TFIP11: variants seen among roughly 807,000 people sequenced by gnomAD.
TFIP11 encodes the protein tuftelin interacting protein 11.
TFIP11 carries 86 observed loss-of-function variants against 96.8 expected under a neutral mutation model. The observed-to-expected ratio is 0.89, with a 90% CI of 0.75 to 1.06. The LOEUF (loss-of-function observed/expected upper bound fraction) is 1.06, where lower values mean the gene tolerates loss of function less well. Ranked by LOEUF, TFIP11 falls within the 50% of genes least tolerant of loss-of-function variation. The pLI, the probability that TFIP11 is intolerant of heterozygous loss-of-function variation, is 0.00. For missense variants in TFIP11, 881 were observed against 1,076.7 expected, an observed-to-expected ratio of 0.82 and a Z score of 2.54; for synonymous variants, 405 against 395.2, an observed-to-expected ratio of 1.02 and a Z score of -0.29.
chr22:26,496,760 G>A lies in TFIP11; in HGVS notation c.1566C>T (p.Asn522=). The A allele has an allele frequency of 6.2e-7, 1 of 1,614,034 alleles. No homozygotes were observed. Among genetic ancestry groups the A allele is most frequent in the Admixed American group, 1.7e-5 (1 of 60,004 alleles). ...VHIIPVWILD[N]ILDQLIFPKL... ...TGGGGAAGATGAGTTGGTCCAGTAT[G>A]TTATCTAAGATCCACACAGGAATAA... The change falls in exon 11 of 15, where the codon AAC becomes AAT. Residue 522 remains asparagine, a synonymous_variant. Transcript: ENST00000407690.
intron 10 of TFIP11, among the ~76,000 whole-genome samples, chr22:26,497,866 C>A: frequency 1.7e-5 from 2 of 114,376 alleles, no homozygotes. Context: ...CAAAGCAAGA[C>A]TTCATCTCAA....
intron 6 of TFIP11, among the ~76,000 whole-genome samples, chr22:26,504,095 G>A (rs966911745): frequency 3.5e-4 from 54 of 152,264 alleles, no homozygotes; most frequent in Non-Finnish European, 6.3e-4. Flanking sequence ...ATTTATAACT[G>A]AGAACTCCAG....
At chr22:26,494,048 C>G (rs1278494571) in intron 14 of TFIP11, 91 bp downstream of exon 14, 37 of 1,478,272 alleles carry the variant, frequency 2.5e-5, no homozygotes, top group Non-Finnish European at 3.2e-5. Flanking sequence ...AGGCTGCCTA[C>G]AGGAACCAGA....
chr22:26,491,393 A>G lies in TFIP11; in HGVS notation c.*620T>C. ...AAAGTGGGGATGACAAGTAAAGTGG[A>G]AATTTATCCCAGAAGAGTGGGGATT... On this transcript the variant is annotated 3_prime_UTR_variant, in exon 15 of 15. Transcript: ENST00000407690. The G allele has an allele frequency of 8.1e-7, 1 of 1,237,106 alleles. No homozygotes were observed. Among genetic ancestry groups the G allele is most frequent in the Non-Finnish European group, 1.1e-6 (1 of 869,820 alleles). The allele number at this position is 1,237,106 out of a possible 1,614,324, so 76.6% of individuals were successfully genotyped here. A position where few individuals can be genotyped will look rare whatever the true frequency, so the allele number is the denominator to read the frequency against.
Position 26,496,804 on chromosome 22 carries a change from A to G in TFIP11, c.1522T>C (p.Leu508=). The G allele has an allele frequency of 1.2e-6, 2 of 1,614,178 alleles. No homozygotes were observed. Among genetic ancestry groups the G allele is most frequent in the South Asian group, 2.2e-5 (2 of 91,080 alleles). The part of the protein sequence containing the change: ...PRNCDPMVDF[L]DSWVHIIPVW... ...GGAATAATGTGCACCCAACTATCCA[A>G]AAAGTCCACCATCGGGTCACAGTTC... is the stretch of plus-strand genomic sequence containing the variant. The change falls in exon 11 of 15, where the codon TTG becomes CTG. Residue 508 remains leucine (L), a synonymous_variant. Coordinates refer to ENST00000407690, the MANE Select transcript of TFIP11 (RefSeq NM_012143.4).
intron 6 of TFIP11, 134 bp from the exon 7 acceptor site, chr22:26,503,927 T>A: frequency 1.7e-6 from 2 of 1,174,166 alleles, no homozygotes; most frequent in Non-Finnish European, 2.4e-6. Context: ...GGAGAGCTAT[T>A]CTCTGCCCTC....
At chr22:26,500,023 C>G (rs2147133433) in intron 8 of TFIP11, among the ~76,000 whole-genome samples, 1 of 152,042 alleles carries the variant, frequency 6.6e-6, no homozygotes, top group South Asian at 2.1e-4. Flanking sequence ...TGCACATAAG[C>G]ATAGAAAAAG....
At chr22:26,495,495 CT>C (rs1373434811) in intron 12 of TFIP11, among the ~76,000 whole-genome samples, 1 of 151,252 alleles carries the variant, frequency 6.6e-6, no homozygotes, top group Non-Finnish European at 1.5e-5. Flanking sequence ...AGGCTGTAAT[CT>C]GCTTTTAAAG....
In TFIP11 at chr22:26,499,155, G is replaced by A. The variant is rs1038567828; in HGVS notation, c.1278C>T (p.Ala426=). 1 of 1,601,440 alleles carries A rather than the reference G, an allele frequency of 6.2e-7. No individual in the cohort carries two copies. The highest frequency in any genetic ancestry group is 8.5e-7 in the Non-Finnish European group (1 of 1,172,236). The change falls in exon 9 of 15, where the codon GCC becomes GCT. Residue 426 remains alanine, a synonymous_variant. Coordinates refer to ENST00000407690, the MANE Select transcript of TFIP11 (RefSeq NM_012143.4). ...ACTCCTTCATGAGTGGATAGACGATGGCCACAGCAAGGTCCACACGGTCGG... is the reference window on the plus strand; with the variant it reads ...ACTCCTTCATGAGTGGATAGACGATAGCCACAGCAAGGTCCACACGGTCGG... ...RMSDRVDLAV[A]IVYPLMKEYF...
intron 5 of TFIP11, 77 bp from the exon 6 acceptor site, chr22:26,506,536 G>A (rs1421841667): frequency 3.0e-5 from 45 of 1,521,672 alleles, no homozygotes; most frequent in Admixed American, 4.4e-5. Flanking sequence ...TGGCCAACAG[G>A]AAAATGGCCT....
In TFIP11 at chr22:26,496,893, T is replaced by C. The variant is rs1050391401; in HGVS notation, c.1437-4A>G. 2 of 1,613,710 alleles carry C rather than the reference T, an allele frequency of 1.2e-6. No individual in the cohort carries two copies. The highest frequency in any genetic ancestry group is 8.5e-7 in the Non-Finnish European group (1 of 1,180,006). On this transcript the variant is annotated splice_region_variant and splice_polypyrimidine_tract_variant and intron_variant, in intron 10 of 14. Coordinates refer to ENST00000407690, the MANE Select transcript of TFIP11 (RefSeq NM_012143.4). ...CATCCAGACTTCCCATATCAACCTA[T>C]GGGAGAAAGGCAGAGGACAGGCTGG...
chr22:26,498,715 T>G, intron 10 of TFIP11, 154 bp downstream of exon 10: 1 of 628,936 alleles, frequency 1.6e-6, no homozygotes. Flanking sequence ...AAAAAAAAAA[T>G]TCATAGCCAA....
In TFIP11 at chr22:26,496,326, G is replaced by C. The variant is rs76624261; in HGVS notation, c.1606-10C>G. The C allele has an allele frequency of 6.6e-4, 1,054 of 1,585,872 alleles. 10 individuals are homozygous for C. The African/African-American group carries it at 0.012, about 19-fold the overall frequency. ...GGTTCCAGTTTTCCACCTGCGAAGT[G>C]GGGAGGAGAAACAGTTCATGTCGCC... On this transcript the variant is annotated splice_polypyrimidine_tract_variant and intron_variant, in intron 11 of 14. Transcript: ENST00000407690.
At chr22:26,503,551 G>A (rs1923042201) in intron 7 of TFIP11, 115 bp downstream of exon 7, 2 of 1,329,624 alleles carry the variant, frequency 1.5e-6, no homozygotes, top group Non-Finnish European at 2.1e-6. Flanking sequence ...CCCAGTACCT[G>A]GCATACGGTA....
chr22:26,495,465 G>A (rs1921836512), intron 12 of TFIP11, among the ~76,000 whole-genome samples: 1 of 151,088 alleles, frequency 6.6e-6, no homozygotes, highest in South Asian at 2.1e-4. Context: ...TGGTAGAGAT[G>A]GGGTTTCACC....
At chr22:26,507,460 TA>T (rs528411545) in intron 4 of TFIP11, among the ~76,000 whole-genome samples, 22 of 148,070 alleles carry the variant, frequency 1.5e-4, no homozygotes, top group Admixed American at 3.4e-4. Context: ...TTCGTCTCTA[TA>T]AAAAAAAAAT....
At position 26,494,857 on chromosome 22, in the gene TFIP11, C is replaced by T; in HGVS notation, c.1932G>A (p.Met644Ile). ...GTCCCACCAGGCTAGAGACAGAGAT[C>T]ATCCCTTCCCAGTCAATCACCCAAT... The part of the protein sequence containing the change: ...AFYWVIDWEG[M>I]ISVSSLVGLL... Residue 644 changes from methionine to isoleucine, a missense_variant, in exon 13 of 15, where the codon ATG becomes ATA. Coordinates refer to ENST00000407690, the MANE Select transcript of TFIP11 (RefSeq NM_012143.4). 6.2e-7 allele frequency: 1 copy of T among 1,614,218 alleles called. No individual in the cohort carries two copies. The highest frequency in any genetic ancestry group is 8.5e-7 in the Non-Finnish European group (1 of 1,180,032).
chr22:26,502,483 GTC>G (rs1922916173), intron 7 of TFIP11, among the ~76,000 whole-genome samples: 1 of 152,184 alleles, frequency 6.6e-6, no homozygotes, highest in African/African-American at 2.4e-5. Flanking sequence ...AAGCAAAGGT[GTC>G]TCTTACAATC....
In TFIP11 at chr22:26,492,367, A is replaced by C. The variant is rs1406383886; in HGVS notation, c.2160T>G (p.Gly720=). 1.2e-6 allele frequency: 2 copies of C among 1,613,894 alleles called. No homozygotes were observed. Among genetic ancestry groups the C allele is most frequent in the Admixed American group, 1.7e-5 (1 of 60,006 alleles). ...CCCGTGCTCCTGGCTGCATGTAGGC[A>C]CCTAAGATACAGGAGGACAGGGCGG... ...IMNRAVSSNV[G]AYMQPGAREN... The change falls in exon 15 of 15, where the codon GGT becomes GGG. Residue 720 remains glycine, a splice_region_variant and synonymous_variant. Transcript: ENST00000407690.
Sources: gnomAD v4.1 joint callset for allele counts (sites outside exome capture counted in the v4.1 genomes callset) on GRCh38, gnomAD v4.1.1 for gene constraint, MANE v1.5 for transcripts, NCBI Gene and HGNC (gene_info 2026-07-23, HGNC 2026-07-21) for gene names.